Variants in MAP1LC3A observed in about 807,000 individuals in gnomAD.
The protein encoded by MAP1LC3A is microtubule-associated protein 1 light chain 3 alpha.
Under a neutral mutation model 15.2 loss-of-function variants are expected in MAP1LC3A, and 10 were observed. The ratio of observed to expected loss-of-function variants is 0.66; its 90% confidence interval spans 0.41 to 1.12. The LOEUF (loss-of-function observed/expected upper bound fraction) is 1.12, where lower values mean the gene tolerates loss of function less well. MAP1LC3A is among the 50% of genes most tolerant of loss of function. The pLI is 0.00. For synonymous variants in MAP1LC3A, 63 were observed against 64.3 expected, an observed-to-expected ratio of 0.98 and a Z score of 0.10; for missense variants, 138 against 167.3, an observed-to-expected ratio of 0.82 and a Z score of 0.97.
chr20:34,554,003 G>A (rs1982047655), upstream of MAP1LC3A, among the ~76,000 whole-genome samples: 1 of 152,178 alleles, frequency 6.6e-6, no homozygotes, highest in Non-Finnish European at 1.5e-5. Context: ...GGAAAGACAT[G>A]GGCATCTTCA....
upstream of MAP1LC3A, among the ~76,000 whole-genome samples, chr20:34,557,855 G>C (rs1982216617): frequency 6.6e-6 from 1 of 152,138 alleles, no homozygotes; most frequent in Non-Finnish European, 1.5e-5. Flanking sequence ...CTTGAACCCG[G>C]GAGGCAGAGG....
upstream of MAP1LC3A, chr20:34,558,522 C>T (rs1446767039): frequency 8.3e-6 from 9 of 1,083,476 alleles, no homozygotes; most frequent in East Asian, 5.7e-5. The surrounding 1 kb of genome is among the most constrained non-coding windows in gnomAD (Gnocchi z 4.3). Flanking sequence ...GTTCGGGCTG[C>T]GGGAGAAGCT....
At chr20:34,549,613 C>T (rs539532932) in intron 1 of MAP1LC3A, among the ~76,000 whole-genome samples, 21 of 152,326 alleles carry the variant, frequency 1.4e-4, no homozygotes, top group African/African-American at 5.1e-4. Flanking sequence ...AGTAGCAGCC[C>T]AGGGACAGAT....
upstream of MAP1LC3A, chr20:34,558,111 C>T: frequency 2.5e-5 from 25 of 985,538 alleles, no homozygotes; most frequent in Non-Finnish European, 3.0e-5. The surrounding 1 kb of genome is among the most constrained non-coding windows in gnomAD (Gnocchi z 4.3). Flanking sequence ...TTTCCTTATT[C>T]CCCATCACCT....
In MAP1LC3A at chr20:34,559,191, C is replaced by G; in HGVS notation, c.41-17C>G. ...GGCCGGCCCGACCCGGCCTCACGGT[C>G]TGGCCGCTGTCCGCAGCCGACCGCT... On this transcript the variant is annotated splice_polypyrimidine_tract_variant and intron_variant, in intron 1 of 3. Transcript: ENST00000360668. The G allele has an allele frequency of 6.3e-7, 1 of 1,575,222 alleles. No individual in the cohort carries two copies. The highest frequency in any genetic ancestry group is 8.6e-7 in the Non-Finnish European group (1 of 1,162,948).
At chr20:34,549,995 C>A (rs1981885988) in exon 2 of MAP1LC3A, 1 of 1,614,190 alleles carries the variant, frequency 6.2e-7, no homozygotes, top group Non-Finnish European at 8.5e-7. Context: ...TGAGATTCTT[C>A]AGTTCTCCAT....
chr20:34,555,873 C>T (rs1356934359), upstream of MAP1LC3A, among the ~76,000 whole-genome samples: 6 of 147,992 alleles, frequency 4.1e-5, no homozygotes, highest in Non-Finnish European at 7.4e-5. Flanking sequence ...GATGGAGTCT[C>T]GCTCTGTCGC....
chr20:34,550,045 C>A, intron 2 of MAP1LC3A: 1 of 1,613,800 alleles, frequency 6.2e-7, no homozygotes, highest in Non-Finnish European at 8.5e-7. Flanking sequence ...TCTGGCCCGC[C>A]TGCCGTTGTG....
rs1045079863 is a variant in MAP1LC3A at position 34,560,288 on chromosome 20, G to A, written c.*390G>A. 1.4e-5 allele frequency: 3 copies of A among 219,102 alleles called. No individual in the cohort carries two copies. Among genetic ancestry groups the A allele is most frequent in the Non-Finnish European group, 2.8e-5 (3 of 108,744 alleles). 13.6% of individuals were successfully genotyped at this position (219,102 alleles called of 1,614,324 possible). A position where few individuals can be genotyped will look rare whatever the true frequency, so the allele number is the denominator to read the frequency against. Reference sequence around the variant, plus strand: ...CCCCGCCCCTCGGTCTCCACGTGGTGTATGGATCTGTGGTCATTGTCCCTC... The same window carrying A: ...CCCCGCCCCTCGGTCTCCACGTGGTATATGGATCTGTGGTCATTGTCCCTC... On this transcript the variant is annotated 3_prime_UTR_variant, in exon 4 of 4. Transcript: ENST00000360668.
chr20:34,559,740 C>G lies in MAP1LC3A; in HGVS notation c.208C>G (p.Arg70Gly). The change falls in exon 4 of 4, where the codon CGC becomes GGC. Residue 70 changes from arginine (R) to glycine (G), a missense_variant. By Grantham distance (125) the Arg-to-Gly change is moderately radical. Coordinates refer to ENST00000360668, the MANE Select transcript of MAP1LC3A (RefSeq NM_032514.4). ...ATACTCTCCCGCCGGCTGCAGGCGC[C>G]GCCTGCAGCTGAACCCCACGCAGGC... ...MSELVKIIRRRLQLNPTQAFF... is the reference protein window; with the variant it reads ...MSELVKIIRRGLQLNPTQAFF... 1.9e-6 allele frequency: 3 copies of G among 1,601,516 alleles called. No homozygotes were observed. The highest frequency in any genetic ancestry group is 2.5e-6 in the Non-Finnish European group (3 of 1,176,656).
At chr20:34,558,478 G>C (rs984192070), upstream of MAP1LC3A, 10 of 1,019,026 alleles carry the variant, frequency 9.8e-6, no homozygotes, top group South Asian at 1.8e-4. The surrounding 1 kb of genome is among the most constrained non-coding windows in gnomAD (Gnocchi z 4.3). Flanking sequence ...CATCGGCCTA[G>C]GGCGGCCCCA....
chr20:34,558,954 G>A lies in MAP1LC3A; in HGVS notation c.40+46G>A. 1 of 1,350,674 alleles carries A rather than the reference G, an allele frequency of 7.4e-7. No homozygotes were observed. The highest frequency in any genetic ancestry group is 1.8e-5 in the South Asian group (1 of 56,034). The allele number at this position is 1,350,674 out of a possible 1,614,324, so 83.7% of individuals were successfully genotyped here. ...TGCGAGCTCTGGGGCAGGGGTGCCG[G>A]CCGACCCCGACTGCCGCAGGTGACG... On this transcript the variant is annotated intron_variant, in intron 1 of 3. Coordinates refer to ENST00000360668, the MANE Select transcript of MAP1LC3A (RefSeq NM_032514.4). This position sits in a 1 kb window ranked among gnomAD's most constrained non-coding sequence, Gnocchi z 4.3.
intron 2 of MAP1LC3A, chr20:34,550,126 C>T (rs551577818): frequency 1.2e-5 from 15 of 1,233,424 alleles, no homozygotes; most frequent in African/African-American, 7.4e-5. Context: ...AGGGTTGCTC[C>T]GCCCGTGTGC....
chr20:34,548,329 A>C (rs1981815669), intron 1 of MAP1LC3A, among the ~76,000 whole-genome samples: 1 of 152,192 alleles, frequency 6.6e-6, no homozygotes, highest in Non-Finnish European at 1.5e-5. Flanking sequence ...CCAGGACCCC[A>C]TGAGTGGCTG....
At chr20:34,549,680 T>C (rs1981873367) in intron 1 of MAP1LC3A, among the ~76,000 whole-genome samples, 1 of 152,194 alleles carries the variant, frequency 6.6e-6, no homozygotes, top group African/African-American at 2.4e-5. Flanking sequence ...GGCGGGTTAT[T>C]CAGAAATAGC....
upstream of MAP1LC3A, among the ~76,000 whole-genome samples, chr20:34,557,692 C>A (rs1447778628): frequency 6.6e-6 from 1 of 152,052 alleles, no homozygotes; most frequent in African/African-American, 2.4e-5. Flanking sequence ...TTTGGGAGGC[C>A]GAGGCGAGTG....
Position 34,559,932 on chromosome 20 carries a change from G to T in MAP1LC3A, c.*34G>T. ...TAGGGGGGCTCGGCCTGGGAGTCGG[G>T]CGGCCCCGGTCAGGCCCTGCCCAGA... On this transcript the variant is annotated 3_prime_UTR_variant, in exon 4 of 4. Transcript: ENST00000360668. 1 of 1,591,104 alleles carries T rather than the reference G, an allele frequency of 6.3e-7. No homozygotes were observed. The highest frequency in any genetic ancestry group is 1.1e-5 in the South Asian group (1 of 87,364).
At chr20:34,557,890 C>T (rs913635928), upstream of MAP1LC3A, among the ~76,000 whole-genome samples, 15 of 152,214 alleles carry the variant, frequency 9.9e-5, no homozygotes, top group African/African-American at 3.6e-4. Flanking sequence ...GATCGCACCA[C>T]TGCACCCCAG....
chr20:34,557,304 C>A (rs1982196405), upstream of MAP1LC3A, among the ~76,000 whole-genome samples: 1 of 152,150 alleles, frequency 6.6e-6, no homozygotes, highest in African/African-American at 2.4e-5. Flanking sequence ...AGTTTTAATA[C>A]CCATCACTAC....
Sources: gnomAD v4.1 joint callset for allele counts (sites outside exome capture counted in the v4.1 genomes callset) on GRCh38, gnomAD v4.1.1 for gene constraint, Gnocchi (gnomAD v3.1) non-coding constraint, MANE v1.5 for transcripts, NCBI Gene and HGNC (gene_info 2026-07-23, HGNC 2026-07-21) for gene names.